Variants in PLEKHH2 observed in about 807,000 individuals in gnomAD.
PLEKHH2 encodes the protein pleckstrin homology, MyTH4 and FERM domain containing H2.
A neutral mutation model predicts 187.9 loss-of-function variants in PLEKHH2; 129 were observed. That is an observed-to-expected ratio of 0.69 (90% CI 0.59 to 0.79). The LOEUF (loss-of-function observed/expected upper bound fraction) is 0.79. PLEKHH2 is among the 30% of genes least tolerant of loss of function. PLEKHH2 has a pLI of 0.00. For synonymous variants in PLEKHH2, 686 were observed against 605.6 expected, an observed-to-expected ratio of 1.13 and a Z score of -1.95; for missense variants, 2,076 against 1,751.2, an observed-to-expected ratio of 1.19 and a Z score of -3.31.
chr2:43,739,452 G>C (rs1671457241), intron 20 of PLEKHH2, among the ~76,000 whole-genome samples: 1 of 152,188 alleles, frequency 6.6e-6, no homozygotes, highest in African/African-American at 2.4e-5. Flanking sequence ...GGATAAATCA[G>C]AAATTTCTTA....
intron 21 of PLEKHH2, among the ~76,000 whole-genome samples, chr2:43,741,954 C>T (rs975129683): frequency 6.6e-6 from 1 of 152,030 alleles, no homozygotes; most frequent in African/African-American, 2.4e-5. Flanking sequence ...TTCACAAATG[C>T]AGTGTTTTTT....
chr2:43,646,023 A>G (rs1267424584), intron 2 of PLEKHH2, among the ~76,000 whole-genome samples: 1 of 152,144 alleles, frequency 6.6e-6, no homozygotes, highest in Non-Finnish European at 1.5e-5. Flanking sequence ...ACTTGCATAT[A>G]TATCATCTCA....
chr2:43,683,821 T>G (rs1402528707), intron 3 of PLEKHH2, among the ~76,000 whole-genome samples: 2 of 152,146 alleles, frequency 1.3e-5, no homozygotes, highest in South Asian at 2.1e-4. Context: ...ATTGATTACC[T>G]TGTTTAAATC....
intron 5 of PLEKHH2, 94 bp downstream of exon 5, chr2:43,694,608 G>T (rs1264623410): frequency 1.8e-5 from 24 of 1,322,790 alleles, no homozygotes; most frequent in Non-Finnish European, 1.9e-5. Flanking sequence ...GTAAAACAAA[G>T]AATTTTGATC....
intron 6 of PLEKHH2, among the ~76,000 whole-genome samples, chr2:43,695,471 A>G (rs1420061193): frequency 5.3e-5 from 8 of 152,376 alleles, no homozygotes; most frequent in Admixed American, 2.6e-4. Flanking sequence ...TCAGAAAAAC[A>G]TGACCAAATA....
rs1671537341 is a variant in PLEKHH2 at position 43,741,002 on chromosome 2, G to C, written c.3180G>C (p.Leu1060=). Residue 1060 remains leucine (L), a synonymous_variant, in exon 21 of 30, where the codon CTG becomes CTC. Coordinates refer to ENST00000282406, the MANE Select transcript of PLEKHH2 (RefSeq NM_172069.4). ...TCTTCCTTCCCCATCATCCTTTCCT[G>C]TGGCTCCTCAGGCTTCACCTAAAGA... ...VGLFLPHHPF[L]WLLRLHLKRN... The C allele has an allele frequency of 3.7e-6, 6 of 1,613,992 alleles. No homozygotes were observed. The highest frequency in any genetic ancestry group is 1.3e-5 in the African/African-American group (1 of 75,038).
intron 2 of PLEKHH2, among the ~76,000 whole-genome samples, chr2:43,660,359 G>T (rs1667004632): frequency 6.6e-6 from 1 of 151,396 alleles, no homozygotes; most frequent in African/African-American, 2.4e-5. Flanking sequence ...ACAGGTGTTT[G>T]GATGTATATG....
intron 2 of PLEKHH2, among the ~76,000 whole-genome samples, chr2:43,649,445 C>A (rs1459637942): frequency 6.6e-6 from 1 of 152,240 alleles, no homozygotes; most frequent in African/African-American, 2.4e-5. Context: ...TGTGGCATTG[C>A]CATCTGGAAT....
intron 20 of PLEKHH2, among the ~76,000 whole-genome samples, chr2:43,739,034 G>T (rs1472707922): frequency 1.3e-5 from 2 of 152,082 alleles, no homozygotes; most frequent in Admixed American, 1.3e-4. Flanking sequence ...TGAGATTACA[G>T]GCATGTGCCA....
At chr2:43,681,219 G>T in intron 3 of PLEKHH2, 1 of 660,830 alleles carries the variant, frequency 1.5e-6, no homozygotes, top group Non-Finnish European at 2.6e-6. Flanking sequence ...GTTTCTCCAT[G>T]TATTATTAAA....
intron 2 of PLEKHH2, among the ~76,000 whole-genome samples, chr2:43,666,558 G>C (rs1295794364): frequency 2.0e-5 from 3 of 152,162 alleles, no homozygotes; most frequent in Non-Finnish European, 2.9e-5. Flanking sequence ...GTACCATTTT[G>C]CATTCCTACC....
chr2:43,689,213 T>C (rs775683249), intron 3 of PLEKHH2, among the ~76,000 whole-genome samples: 2 of 152,184 alleles, frequency 1.3e-5, no homozygotes, highest in Non-Finnish European at 2.9e-5. Flanking sequence ...GAGTTAACCC[T>C]TTGCTGAACA....
chr2:43,733,148 G>T lies in PLEKHH2; in HGVS notation c.2943+1546G>T, dbSNP rs187223823. On this transcript the variant is annotated intron_variant, in intron 19 of 29. Coordinates refer to ENST00000282406, the MANE Select transcript of PLEKHH2 (RefSeq NM_172069.4). ...AAGGCCGAGGCGGGCAGATCATGAG[G>T]TCAGGAGATCGAGACCATCCTGGCT... Among the ~76,000 whole-genome samples, 65 of 152,234 alleles carry T rather than the reference G, an allele frequency of 4.3e-4. No homozygotes were observed. The East Asian group carries it at 0.011, about 26-fold the overall frequency.
rs1432814145 is a variant in PLEKHH2 at position 43,712,010 on chromosome 2, C to A, written c.2302-215C>A. On this transcript the variant is annotated intron_variant, in intron 14 of 29. Transcript: ENST00000282406. ...CCCAAAATTAGGTAAACTGGAGTAA[C>A]AAAGTTATTTCCACAAAAATTTAAT... The A allele has an allele frequency of 1.2e-5, 15 of 1,262,734 alleles. No individual in the cohort carries two copies. The East Asian group carries it at 3.5e-4, about 30-fold the overall frequency. The allele number at this position is 1,262,734 out of a possible 1,614,324, so 78.2% of individuals were successfully genotyped here.
intron 2 of PLEKHH2, among the ~76,000 whole-genome samples, chr2:43,645,240 C>T (rs1444502529): frequency 6.6e-6 from 1 of 152,032 alleles, no homozygotes; most frequent in Non-Finnish European, 1.5e-5. Flanking sequence ...AAATTCTTGC[C>T]TGGGCTAGAA....
At chr2:43,669,300 G>T (rs1225195680) in intron 2 of PLEKHH2, among the ~76,000 whole-genome samples, 4 of 152,178 alleles carry the variant, frequency 2.6e-5, no homozygotes, top group Non-Finnish European at 5.9e-5. Flanking sequence ...TTAAAGAAAT[G>T]CAGAGCAAAG....
intron 2 of PLEKHH2, among the ~76,000 whole-genome samples, chr2:43,649,220 A>G (rs1449375594): frequency 6.6e-6 from 1 of 152,234 alleles, no homozygotes; most frequent in Non-Finnish European, 1.5e-5. Flanking sequence ...TAAACTCTTC[A>G]GGGAAGCTGA....
chr2:43,693,628 G>T (rs888164143), intron 4 of PLEKHH2, among the ~76,000 whole-genome samples: 2 of 151,302 alleles, frequency 1.3e-5, no homozygotes, highest in South Asian at 2.1e-4. Flanking sequence ...GGAGGCTGAC[G>T]CAGGAGAGCG....
intron 1 of PLEKHH2, among the ~76,000 whole-genome samples, chr2:43,642,803 A>G (rs1017567124): frequency 1.3e-5 from 2 of 152,128 alleles, no homozygotes; most frequent in Admixed American, 6.5e-5. Flanking sequence ...TCTTCATGTT[A>G]TTTTTAAAAC....
Sources: gnomAD v4.1 joint callset for allele counts (sites outside exome capture counted in the v4.1 genomes callset) on GRCh38, gnomAD v4.1.1 for gene constraint, MANE v1.5 for transcripts, NCBI Gene and HGNC (gene_info 2026-07-23, HGNC 2026-07-21) for gene names.